Variants in C10orf67 observed in about 807,000 individuals in gnomAD.
The protein encoded by C10orf67 is chromosome 10 open reading frame 67.
In C10orf67, 60 loss-of-function variants were observed where a neutral mutation model predicts 35.6. The ratio of observed to expected loss-of-function variants is 1.68; its 90% confidence interval spans 1.37 to 2.09. C10orf67 has a LOEUF of 2.09. Ranked by LOEUF, C10orf67 falls within the 30% of genes most tolerant of loss-of-function variation. The pLI, the probability that C10orf67 is intolerant of heterozygous loss-of-function variation, is 0.00. For synonymous variants in C10orf67, 167 were observed against 115.8 expected (o/e 1.44, Z -2.84); for missense variants, 474 against 330.2 (o/e 1.44, Z -3.38).
At chr10:23,331,075 GGA>G (rs113861650) in intron 2 of C10orf67, among the ~76,000 whole-genome samples, 69 of 127,254 alleles carry the variant, frequency 5.4e-4, no homozygotes, top group African/African-American at 1.8e-3. Context: ...AGGGAAGGGA[GGA>G]GGGAGGGGAT....
At position 23,243,580 on chromosome 10, in the gene C10orf67, G is replaced by A. The variant is rs543780624; in HGVS notation, c.1347-3764C>T. 6.6e-5 allele frequency among the ~76,000 whole-genome samples: 10 copies of A among 151,982 alleles called. No individual in the cohort carries two copies. In the South Asian group the frequency reaches 8.3e-4, roughly 13 times the overall value. Reference sequence around the variant, plus strand: ...CGCATGCCTGTAATCCCAGCTACTCGGGAGGCTGAGGCAGGAGAATTGCTT... The same window carrying A: ...CGCATGCCTGTAATCCCAGCTACTCAGGAGGCTGAGGCAGGAGAATTGCTT... On this transcript the variant is annotated intron_variant, in intron 12 of 15. Transcript: ENST00000636213.
intron 4 of C10orf67, among the ~76,000 whole-genome samples, chr10:23,315,038 C>T (rs756867376): frequency 1.4e-4 from 21 of 152,218 alleles, no homozygotes; most frequent in Non-Finnish European, 2.5e-4. Context: ...GTTTTATTTT[C>T]AACTTTCCTC....
chr10:23,282,510 C>A (rs932335140), intron 7 of C10orf67, among the ~76,000 whole-genome samples: 6 of 152,146 alleles, frequency 3.9e-5, no homozygotes, highest in Non-Finnish European at 8.8e-5. Flanking sequence ...CACCTGTAAT[C>A]CCAGTGCTTT....
intron 1 of C10orf67, 148 bp from the exon 2 acceptor site, chr10:23,333,330 T>C (rs1845553592): frequency 1.5e-6 from 1 of 651,344 alleles, no homozygotes; most frequent in Non-Finnish European, 2.5e-6. Flanking sequence ...TTAGCTCTTG[T>C]GATCTGGAGC....
At chr10:23,243,895 A>T (rs1842246920) in intron 12 of C10orf67, among the ~76,000 whole-genome samples, 1 of 151,636 alleles carries the variant, frequency 6.6e-6, no homozygotes. Flanking sequence ...CATATTACTT[A>T]CTCTTTTTTA....
intron 1 of C10orf67, among the ~76,000 whole-genome samples, chr10:23,341,317 G>T (rs188225313): frequency 6.6e-6 from 1 of 152,190 alleles, no homozygotes; most frequent in Non-Finnish European, 1.5e-5. Context: ...CCAGAAGTAA[G>T]CTTATGATAT....
chr10:23,243,597 G>T lies in C10orf67; in HGVS notation c.1347-3781C>A, dbSNP rs975282914. 2.6e-5 allele frequency among the ~76,000 whole-genome samples: 4 copies of T among 151,676 alleles called. No homozygotes were observed. The East Asian group carries it at 7.8e-4, about 29-fold the overall frequency. ...AGCTACTCGGGAGGCTGAGGCAGGA[G>T]AATTGCTTGAACCTGGGAGGCGGAG... On this transcript the variant is annotated intron_variant, in intron 12 of 15. Transcript: ENST00000636213.
intron 13 of C10orf67, among the ~76,000 whole-genome samples, chr10:23,234,945 G>C (rs1457402254): frequency 6.9e-6 from 1 of 145,940 alleles, no homozygotes; most frequent in African/African-American, 2.5e-5. Flanking sequence ...CCGGGAGGCG[G>C]AGGTTGCGGT....
intron 1 of C10orf67, chr10:23,344,341 G>A (rs1188524900): frequency 3.4e-6 from 2 of 582,136 alleles, no homozygotes; most frequent in Admixed American, 3.0e-5. Flanking sequence ...CGCGCGGGAG[G>A]AGGGGAGTGG....
At position 23,329,460 on chromosome 10, in the gene C10orf67, A is replaced by C. The variant is rs181439859; in HGVS notation, c.327+3602T>G. 1.4e-3 allele frequency among the ~76,000 whole-genome samples: 209 copies of C among 152,330 alleles called. 2 individuals are homozygous for C. The highest frequency in any genetic ancestry group is 3.8e-3 in the African/African-American group (158 of 41,582). Reference sequence around the variant, plus strand: ...ACAGTTTTACATGCCAGTTCTAACAAACATTGAAGAAATAGATATTCCCAA... The same window carrying C: ...ACAGTTTTACATGCCAGTTCTAACACACATTGAAGAAATAGATATTCCCAA... On this transcript the variant is annotated intron_variant, in intron 2 of 15. Coordinates refer to ENST00000636213, the MANE Select transcript of C10orf67 (RefSeq NM_001371909.1).
At chr10:23,295,413 T>C (rs1843853613) in intron 5 of C10orf67, among the ~76,000 whole-genome samples, 1 of 152,196 alleles carries the variant, frequency 6.6e-6, no homozygotes, top group Admixed American at 6.5e-5. Context: ...TCTTACCCAA[T>C]TGGGGTGTTC....
In C10orf67 at chr10:23,333,083, T is replaced by A. The variant is rs771615363; in HGVS notation, c.306A>T (p.Ser102=). 4 of 1,612,210 alleles carry A rather than the reference T, an allele frequency of 2.5e-6. No individual in the cohort carries two copies. In the Admixed American group the frequency reaches 6.7e-5, roughly 27 times the overall value. The change falls in exon 2 of 16, where the codon TCA becomes TCT. Residue 102 remains serine (S), a synonymous_variant. Transcript: ENST00000636213. Reference sequence around the variant, plus strand: ...TTACCTGTGCTAACTTTTGCGTAGATGAACTCAATTCTTTTACTGACAGTA... The same window carrying A: ...TTACCTGTGCTAACTTTTGCGTAGAAGAACTCAATTCTTTTACTGACAGTA... ...SEILSVKELS[S]STQKLAQMMK...
intron 12 of C10orf67, among the ~76,000 whole-genome samples, chr10:23,241,113 T>TA (rs1287653261): frequency 6.6e-6 from 1 of 152,218 alleles, no homozygotes; most frequent in Non-Finnish European, 1.5e-5. Flanking sequence ...CTAATGGCGT[T>TA]ATGCTGAAAC....
At chr10:23,294,947 T>C (rs528176680) in intron 5 of C10orf67, among the ~76,000 whole-genome samples, 6 of 152,316 alleles carry the variant, frequency 3.9e-5, no homozygotes, top group Admixed American at 6.5e-5. Flanking sequence ...GTGTGTTTCA[T>C]TTTATTTGAT....
intron 1 of C10orf67, among the ~76,000 whole-genome samples, chr10:23,339,859 G>A (rs1018277188): frequency 1.3e-5 from 2 of 152,158 alleles, no homozygotes; most frequent in Admixed American, 1.3e-4. Flanking sequence ...GACCCTGAGT[G>A]CTACATCAAT....
chr10:23,282,958 A>T (rs925244417), intron 7 of C10orf67, among the ~76,000 whole-genome samples: 3 of 152,114 alleles, frequency 2.0e-5, no homozygotes, highest in Non-Finnish European at 4.4e-5. Context: ...AATGGTACAA[A>T]AAAAAAACGG....
At chr10:23,233,657 A>G (rs1195353578) in intron 13 of C10orf67, among the ~76,000 whole-genome samples, 8 of 152,228 alleles carry the variant, frequency 5.3e-5, no homozygotes, top group Admixed American at 5.2e-4. Context: ...GGTTCTCTAC[A>G]AAGAGTAAAT....
intron 15 of C10orf67, among the ~76,000 whole-genome samples, chr10:23,218,307 ATTT>A (rs371926193): frequency 2.5e-5 from 3 of 119,098 alleles, no homozygotes; most frequent in Non-Finnish European, 5.0e-5. Flanking sequence ...CACGAGGCTA[ATTT>A]TTTTTTTTTT....
intron 12 of C10orf67, among the ~76,000 whole-genome samples, chr10:23,240,656 G>T (rs1346431103): frequency 2.0e-5 from 3 of 152,226 alleles, no homozygotes; most frequent in Non-Finnish European, 4.4e-5. Context: ...CAAGAGAATG[G>T]CTGGACAGCC....
Sources: allele counts gnomAD v4.1 joint callset (sites outside exome capture counted in the v4.1 genomes callset), GRCh38; gene constraint gnomAD v4.1.1; transcripts MANE v1.5; gene names NCBI Gene and HGNC (gene_info 2026-07-23, HGNC 2026-07-21).